MAGEC2: variants seen among roughly 807,000 people sequenced by gnomAD.
The protein encoded by MAGEC2 is melanoma-associated antigen C2.
For synonymous variants in MAGEC2, 127 were observed against 115.1 expected (o/e 1.10, Z -0.66); for missense variants, 332 against 282.3 (o/e 1.18, Z -1.26).
Position 142,203,991 on chromosome X carries a change from G to A in MAGEC2, c.-4C>T, listed in dbSNP as rs939417282. 41 of 1,182,505 alleles carry A rather than the reference G, an allele frequency of 3.5e-5. No homozygotes were observed. The highest frequency in any genetic ancestry group is 2.6e-4 in the Middle Eastern group (1 of 3,815). On this transcript the variant is annotated 5_prime_UTR_variant, in exon 3 of 3. Transcript: ENST00000247452. ...GAACGCCTGGAACGGGAGGCATGACGACTTCTTCAGGAGCAGCAGGTAAAC... is the reference window on the plus strand; with the variant it reads ...GAACGCCTGGAACGGGAGGCATGACAACTTCTTCAGGAGCAGCAGGTAAAC...
rs528011223 is a variant in MAGEC2, at chrX:142,203,688, C to T, written c.300G>A (p.Leu100=). Residue 100 remains leucine (L), a synonymous_variant, in exon 3 of 3, where the codon CTG becomes CTA. Transcript: ENST00000247452. ...ATGAAAAAGAGGAGCAGCAGGAGCT[C>T]AGAGGACTCTGGGAAGGACCCTGTG... ...GPPQGPSQSP[L]SSCCSSFSWS... 4 of 1,210,432 alleles carry T rather than the reference C, an allele frequency of 3.3e-6. No individual in the cohort carries two copies. The highest frequency in any genetic ancestry group is 2.3e-4 in the Middle Eastern group (1 of 4,350).
In MAGEC2 at chrX:142,202,673, C is replaced by T. The variant is rs753432473; in HGVS notation, c.*193G>A. ...TGTGCGACTAATATTCATAAATTAACACTCTGAAGCTAACTACCTGCTATT... is the reference window on the plus strand; with the variant it reads ...TGTGCGACTAATATTCATAAATTAATACTCTGAAGCTAACTACCTGCTATT... On this transcript the variant is annotated 3_prime_UTR_variant, in exon 3 of 3. Coordinates refer to ENST00000247452, the MANE Select transcript of MAGEC2 (RefSeq NM_016249.4). 42 of 393,168 alleles carry T rather than the reference C, an allele frequency of 1.1e-4. No homozygotes were observed. Among genetic ancestry groups the T allele is most frequent in the East Asian group, 2.7e-4 (7 of 26,113 alleles). 32.4% of individuals were successfully genotyped at this position (393,168 alleles called of 1,213,427 possible).
chrX:142,202,927 G>A lies in MAGEC2; in HGVS notation c.1061C>T (p.Ala354Val), dbSNP rs1419660544. ...GAGGCTTTCACTGGCCATGACAGTGGCATCATCTGCGGTATCAATTGTGGC... is the reference window on the plus strand; with the variant it reads ...GAGGCTTTCACTGGCCATGACAGTGACATCATCTGCGGTATCAATTGTGGC... ...VQATIDTADD[A>V]TVMASESLSV... Residue 354 changes from alanine to valine, a missense_variant, in exon 3 of 3, where the codon GCC becomes GTC. By Grantham distance (64) the Ala-to-Val change is moderately conservative. Coordinates refer to ENST00000247452, the MANE Select transcript of MAGEC2 (RefSeq NM_016249.4). 2.5e-6 allele frequency: 3 copies of A among 1,209,021 alleles called. No individual in the cohort carries two copies. Among genetic ancestry groups the A allele is most frequent in the Non-Finnish European group, 3.4e-6 (3 of 894,338 alleles).
At position 142,202,761 on chromosome X, in the gene MAGEC2, C is replaced by A. The variant is rs1211029474; in HGVS notation, c.*105G>T. ...AAATCTCTACATCACCCATATGGGA[C>A]AGAAATGCAAAGAACACTACGTTCC... On this transcript the variant is annotated 3_prime_UTR_variant, in exon 3 of 3. Coordinates refer to ENST00000247452, the MANE Select transcript of MAGEC2 (RefSeq NM_016249.4). The A allele has an allele frequency of 1.2e-6, 1 of 803,445 alleles. No individual in the cohort carries two copies. The highest frequency in any genetic ancestry group is 1.8e-6 in the Non-Finnish European group (1 of 569,073). 66.2% of individuals were successfully genotyped at this position (803,445 alleles called of 1,213,427 possible).
At position 142,202,756 on chromosome X, in the gene MAGEC2, T is replaced by A; in HGVS notation, c.*110A>T. ...CAGGTAAATCTCTACATCACCCATA[T>A]GGGACAGAAATGCAAAGAACACTAC... On this transcript the variant is annotated 3_prime_UTR_variant, in exon 3 of 3. Transcript: ENST00000247452. 1 of 745,203 alleles carries A rather than the reference T, an allele frequency of 1.3e-6. No individual in the cohort carries two copies. The highest frequency in any genetic ancestry group is 3.0e-5 in the South Asian group (1 of 33,254). 61.4% of individuals were successfully genotyped at this position (745,203 alleles called of 1,213,427 possible).
chrX:142,202,686 A>T lies in MAGEC2; in HGVS notation c.*180T>A, dbSNP rs527670234. On this transcript the variant is annotated 3_prime_UTR_variant, in exon 3 of 3. Transcript: ENST00000247452. ...TTCATAAATTAACACTCTGAAGCTAACTACCTGCTATTCAAAGGAAAAGCA... is the reference window on the plus strand; with the variant it reads ...TTCATAAATTAACACTCTGAAGCTATCTACCTGCTATTCAAAGGAAAAGCA... 3.6e-5 allele frequency: 15 copies of T among 416,051 alleles called. No individual in the cohort carries two copies. Among genetic ancestry groups the T allele is most frequent in the South Asian group, 5.7e-5 (1 of 17,448 alleles). The allele number at this position is 416,051 out of a possible 1,213,427, so 34.3% of individuals were successfully genotyped here.
chrX:142,203,811 A>G lies in MAGEC2; in HGVS notation c.177T>C (p.Ser59=). The change falls in exon 3 of 3, where the codon TCT becomes TCC. Residue 59 remains serine (S), a synonymous_variant. Coordinates refer to ENST00000247452, the MANE Select transcript of MAGEC2 (RefSeq NM_016249.4). ...VFSPSSFSTS[S]SLILGGPEEE... The stretch of plus-strand genomic sequence containing the variant: ...CCTCAGGACCACCAAGAATCAGAGA[A>G]GAGGATGTGGAGAAAGAAGAGGGGG... 1.7e-6 allele frequency: 2 copies of G among 1,199,058 alleles called. No individual in the cohort carries two copies. Among genetic ancestry groups the G allele is most frequent in the Non-Finnish European group, 2.2e-6 (2 of 890,574 alleles).
At position 142,202,927 on chromosome X, in the gene MAGEC2, G is replaced by C; in HGVS notation, c.1061C>G (p.Ala354Gly). The C allele has an allele frequency of 8.3e-7, 1 of 1,210,706 alleles. No homozygotes were observed. The highest frequency in any genetic ancestry group is 1.1e-6 in the Non-Finnish European group (1 of 894,581). ...GAGGCTTTCACTGGCCATGACAGTG[G>C]CATCATCTGCGGTATCAATTGTGGC... ...VQATIDTADD[A>G]TVMASESLSV... The change falls in exon 3 of 3, where the codon GCC (alanine) becomes GGC (glycine). Residue 354 changes from alanine to glycine, a missense_variant. By Grantham distance (60) the Ala-to-Gly change is moderately conservative. Transcript: ENST00000247452.
intron 2 of MAGEC2, 95 bp from the exon 3 acceptor site, chrX:142,204,148 G>A (rs1401624039): frequency 1.8e-6 from 2 of 1,135,170 alleles, no homozygotes; most frequent in Admixed American, 4.4e-5. Context: ...CTTCTCTTAA[G>A]GTGGTGCTCT....
rs148370051 is a variant in MAGEC2, at chrX:142,203,303, G to C, written c.685C>G (p.Leu229Val). 2.1e-5 allele frequency: 25 copies of C among 1,211,119 alleles called. No homozygotes were observed. The highest frequency in any genetic ancestry group is 2.7e-5 in the Non-Finnish European group (24 of 895,267). Residue 229 changes from leucine (L) to valine (V), a missense_variant, in exon 3 of 3, where the codon CTC (leucine) becomes GTC (valine). By Grantham distance (32) the Leu-to-Val change is conservative. Coordinates refer to ENST00000247452, the MANE Select transcript of MAGEC2 (RefSeq NM_016249.4). ...ATCACACTCAGAATAATAATCAGGA[G>C]GCTGTTCTCGGGCATGCCCTCATCA... Reference protein sequence around the residue: ...SDDEGMPENSLLIIILSVIFI... With the variant: ...SDDEGMPENSVLIIILSVIFI...
intron 1 of MAGEC2, among the ~76,000 whole-genome samples, 154 bp from the exon 2 acceptor site, chrX:142,204,609 T>C (rs1429797685): frequency 9.0e-6 from 1 of 111,690 alleles, no homozygotes; most frequent in Non-Finnish European, 1.9e-5. Flanking sequence ...CTTCACGGCT[T>C]CTCAGAGAGG....
At position 142,202,851 on chromosome X, in the gene MAGEC2, A is replaced by T. The variant is rs147952359; in HGVS notation, c.*15T>A. On this transcript the variant is annotated 3_prime_UTR_variant, in exon 3 of 3. Coordinates refer to ENST00000247452, the MANE Select transcript of MAGEC2 (RefSeq NM_016249.4). ...TGCCCTGTTCAAACACAAGGGGAAG[A>T]AACTATCCTAGACTTCACTCAGAAA... The T allele has an allele frequency of 2.8e-4, 333 of 1,193,781 alleles. 1 individual carries two copies. The African/African-American group carries it at 5.2e-3, about 19-fold the overall frequency.
intron 1 of MAGEC2, 65 bp from the exon 2 acceptor site, chrX:142,204,520 G>A (rs1186493753): frequency 7.8e-6 from 1 of 128,688 alleles, no homozygotes; most frequent in Non-Finnish European, 1.5e-5. Context: ...GGCCTGCTAG[G>A]GCTGACAGCT....
In MAGEC2 at chrX:142,202,896, G is replaced by A. The variant is rs1931164271; in HGVS notation, c.1092C>T (p.Val364=). 1 of 1,209,147 alleles carries A rather than the reference G, an allele frequency of 8.3e-7. No homozygotes were observed. Among genetic ancestry groups the A allele is most frequent in the Admixed American group, 2.2e-5 (1 of 45,707 alleles). Reference sequence around the variant, plus strand: ...CAGAAAAGGAGACGTTGCTGGACATGACACTGAGGCTTTCACTGGCCATGA... The same window carrying A: ...CAGAAAAGGAGACGTTGCTGGACATAACACTGAGGCTTTCACTGGCCATGA... ...ATVMASESLS[V]MSSNVSFSE Residue 364 remains valine, a synonymous_variant, in exon 3 of 3, where the codon GTC becomes GTT. Transcript: ENST00000247452.
Position 142,204,112 on chromosome X carries a change from C to G in MAGEC2, c.-66-59G>C, listed in dbSNP as rs761392651. ...GCTGAGAAACTCACCCATGATGGCT[C>G]TGACAAAGGCCACCTTACAGCTCTT... On this transcript the variant is annotated intron_variant, in intron 2 of 2. Transcript: ENST00000247452. The G allele has an allele frequency of 5.1e-6, 6 of 1,177,338 alleles. No homozygotes were observed. In the East Asian group the frequency reaches 1.8e-4, roughly 35 times the overall value.
intron 1 of MAGEC2, among the ~76,000 whole-genome samples, chrX:142,204,827 G>C (rs968002626): frequency 6.3e-5 from 7 of 111,535 alleles, no homozygotes; most frequent in African/African-American, 2.3e-4. Context: ...CTGCCAACCA[G>C]AGGCAGCTCC....
Position 142,203,854 on chromosome X carries a change from G to C in MAGEC2, c.134C>G (p.Thr45Ser). ...AGAGGGGGAAAATACTAAGTACAAA[G>C]TGGAAGAGGCGGAGGAGGCTTCCTC... ...EEEEASSASS[T>S]LYLVFSPSSF... Residue 45 changes from threonine (T) to serine (S), a missense_variant, in exon 3 of 3, where the codon ACT becomes AGT. Transcript: ENST00000247452. 8.3e-7 allele frequency: 1 copy of C among 1,201,329 alleles called. No homozygotes were observed. The highest frequency in any genetic ancestry group is 1.1e-6 in the Non-Finnish European group (1 of 891,337).
Position 142,202,449 on chromosome X carries a change from G to A in MAGEC2, c.*417C>T, listed in dbSNP as rs1339394663. The A allele has an allele frequency of 2.5e-5, 3 of 120,235 alleles. No individual in the cohort carries two copies. The highest frequency in any genetic ancestry group is 9.8e-5 in the African/African-American group (3 of 30,575). The allele number at this position is 120,235 out of a possible 1,213,427, so 9.9% of individuals were successfully genotyped here. Reference sequence around the variant, plus strand: ...AAGAACAAAAGAATAAGCAGGACAAGGAAATGAAACTACTGACCACCCTTC... The same window carrying A: ...AAGAACAAAAGAATAAGCAGGACAAAGAAATGAAACTACTGACCACCCTTC... On this transcript the variant is annotated 3_prime_UTR_variant, in exon 3 of 3. Transcript: ENST00000247452.
chrX:142,203,369 C>T lies in MAGEC2; in HGVS notation c.619G>A (p.Val207Met), dbSNP rs776280793. The T allele has an allele frequency of 2.4e-5, 29 of 1,209,513 alleles. No individual in the cohort carries two copies. The highest frequency in any genetic ancestry group is 1.2e-4 in the South Asian group (7 of 56,694). ...GTGAGGCCTACTGTGTTTGCAAACA[C>T]ACAGAAGTGGTCAGGGCCCACTTCT... ...LIEVGPDHFC[V>M]FANTVGLTDE... The change falls in exon 3 of 3, where the codon GTG becomes ATG. Residue 207 changes from valine (V) to methionine (M), a missense_variant. By Grantham distance (21) the Val-to-Met change is conservative (BLOSUM62 1). Coordinates refer to ENST00000247452, the MANE Select transcript of MAGEC2 (RefSeq NM_016249.4).
Sources: allele counts gnomAD v4.1 joint callset (sites outside exome capture counted in the v4.1 genomes callset), GRCh38; gene constraint gnomAD v4.1.1; transcripts MANE v1.5; gene names NCBI Gene and HGNC (gene_info 2026-07-23, HGNC 2026-07-21).